Variants in TBL2 observed in about 807,000 individuals in gnomAD.
The protein encoded by TBL2 is transducin beta-like protein 2.
A neutral mutation model predicts 41.8 loss-of-function variants in TBL2; 33 were observed. That is an observed-to-expected ratio of 0.79 (90% confidence interval 0.60 to 1.06). The LOEUF (loss-of-function observed/expected upper bound fraction) is 1.06, where lower values mean the gene tolerates loss of function less well. TBL2 is among the 50% of genes least tolerant of loss of function. TBL2 has a pLI of 0.00. For synonymous variants in TBL2, 239 were observed against 241.7 expected, an observed-to-expected ratio of 0.99 and a Z score of 0.10; for missense variants, 522 against 603.8, an observed-to-expected ratio of 0.86 and a Z score of 1.42.
Position 73,576,942 on chromosome 7 carries a change from TAAC to T in TBL2, c.130+1475_130+1477del, listed in dbSNP as rs565215464. 2.0e-5 allele frequency among the ~76,000 whole-genome samples: 3 copies of T among 152,022 alleles called. 1 individual carries two copies. In the South Asian group the frequency reaches 6.2e-4, roughly 32 times the overall value. Reference sequence around the variant, plus strand: ...CCCCTATTCTCAGTAATGATTTCCCTAACAACCACCTCCCCCATAAAAGAACAG... The same window carrying T: ...CCCCTATTCTCAGTAATGATTTCCCTAACCACCTCCCCCATAAAAGAACAG... On this transcript the variant is annotated intron_variant, in intron 1 of 6. Coordinates refer to ENST00000305632, the MANE Select transcript of TBL2 (RefSeq NM_012453.4).
chr7:73,574,214 T>C, intron 2 of TBL2, 92 bp from the exon 3 acceptor site: 1 of 1,549,608 alleles, frequency 6.5e-7, no homozygotes, highest in Non-Finnish European at 8.7e-7. Flanking sequence ...CCCTGTGGCC[T>C]GGATTAACAG....
At chr7:73,573,543 G>A in intron 3 of TBL2, 72 bp from the exon 4 acceptor site, 1 of 1,582,874 alleles carries the variant, frequency 6.3e-7, no homozygotes, top group East Asian at 2.2e-5. Flanking sequence ...CCTGTGCTGG[G>A]TTCTCGGGGA....
intron 6 of TBL2, 67 bp from the exon 7 acceptor site, chr7:73,571,039 G>T: frequency 6.4e-7 from 1 of 1,565,306 alleles, no homozygotes; most frequent in South Asian, 1.2e-5. Context: ...GGCCCAACTT[G>T]AGCAGCTCCA....
chr7:73,573,000 G>A (rs782498103), intron 4 of TBL2, 30 bp from the exon 5 acceptor site: 18 of 1,613,484 alleles, frequency 1.1e-5, no homozygotes, highest in East Asian at 2.2e-5. Flanking sequence ...TGTGGGTCAC[G>A]GGCAGTGACC....
chr7:73,572,882 C>T lies in TBL2; in HGVS notation c.687G>A (p.Gln229=), dbSNP rs61736741. The part of the protein sequence containing the change: ...GQVLSTINTN[Q]MNNTHAAVSP... ...ATACAGCAGCGTGTGTGTTGTTCAT[C>T]TGGTTGGTGTTGATGGTAGACAGCA... is the stretch of plus-strand genomic sequence containing the variant. Residue 229 remains glutamine (Q), a synonymous_variant, in exon 5 of 7, where the codon CAG becomes CAA. Coordinates refer to ENST00000305632, the MANE Select transcript of TBL2 (RefSeq NM_012453.4). 1,032 of 1,614,174 alleles carry T rather than the reference C, an allele frequency of 6.4e-4. 4 individuals are homozygous for T. In the African/African-American group the frequency reaches 9.1e-3, roughly 14 times the overall value.
chr7:73,576,821 G>A, intron 1 of TBL2: 1 of 406,032 alleles, frequency 2.5e-6, no homozygotes. Context: ...TTGCCTTCTC[G>A]GGTATTGCCA....
At chr7:73,577,374 G>A (rs12540011) in intron 1 of TBL2, among the ~76,000 whole-genome samples, 39,123 of 151,224 alleles carry the variant, frequency 0.26, 5,289 homozygotes, top group African/African-American at 0.3. Context: ...TCAGGCGTTC[G>A]AGACCAGCCT....
In TBL2 at chr7:73,576,669, C is replaced by T. The variant is rs782002326; in HGVS notation, c.130+1751G>A. 74 of 456,584 alleles carry T rather than the reference C, an allele frequency of 1.6e-4. 2 individuals are homozygous for T. The Middle Eastern group carries it at 2.3e-3, about 14-fold the overall frequency. 28.3% of individuals were successfully genotyped at this position (456,584 alleles called of 1,614,324 possible). On this transcript the variant is annotated intron_variant, in intron 1 of 6. Transcript: ENST00000305632. ...CATGTGGTAAATGACTGCAGATGCT[C>T]CCCAATTCCAACAGGAAAAAAGCTC...
rs1043535304 is a variant in TBL2, at chr7:73,567,780, C to T, written c.*2727G>A. ...GAATGACTTTTTGGTAGTGTTTTCT[C>T]GTCTCACTGAAACACAACATGGCAA... On this transcript the variant is annotated 3_prime_UTR_variant, in exon 7 of 7. Coordinates refer to ENST00000305632, the MANE Select transcript of TBL2 (RefSeq NM_012453.4). Among the ~76,000 whole-genome samples the T allele has an allele frequency of 7.2e-5, 11 of 152,054 alleles. No homozygotes were observed. The South Asian group carries it at 1.2e-3, about 17-fold the overall frequency.
At chr7:73,576,643 G>T (rs1388378253) in intron 1 of TBL2, 2 of 456,442 alleles carry the variant, frequency 4.4e-6, no homozygotes, top group Non-Finnish European at 8.8e-6. Context: ...CACAAAGCTG[G>T]CATGTGGTAA....
intron 1 of TBL2, 157 bp downstream of exon 1, chr7:73,578,263 C>T (rs1554589392): frequency 6.5e-7 from 1 of 1,533,472 alleles, no homozygotes; most frequent in Non-Finnish European, 8.7e-7. Flanking sequence ...GGCGGGTCCC[C>T]GTCTCTGGAA....
At chr7:73,576,108 A>C (rs1793294655) in intron 1 of TBL2, among the ~76,000 whole-genome samples, 2 of 151,042 alleles carry the variant, frequency 1.3e-5, no homozygotes, top group South Asian at 4.2e-4. Flanking sequence ...GACAAGCAAA[A>C]GTACCGAACA....
In TBL2 at chr7:73,571,184, C is replaced by T. The variant is rs1554587451; in HGVS notation, c.878+5G>A. ...CTGGTCAGACATCAGAGCGGATTCA[C>T]TCACCTCCGTGAGTCGTTGGAGAAA... On this transcript the variant is annotated splice_donor_5th_base_variant and intron_variant, in intron 6 of 6. Transcript: ENST00000305632. 1 of 1,614,198 alleles carries T rather than the reference C, an allele frequency of 6.2e-7. No homozygotes were observed. The highest frequency in any genetic ancestry group is 8.5e-7 in the Non-Finnish European group (1 of 1,180,032).
chr7:73,571,086 G>A, intron 6 of TBL2, 103 bp downstream of exon 6: 1 of 1,581,166 alleles, frequency 6.3e-7, no homozygotes, highest in Non-Finnish European at 8.6e-7. Flanking sequence ...CGAGGGCCAG[G>A]CACCCCACCC....
chr7:73,578,265 T>C, intron 1 of TBL2, 155 bp downstream of exon 1: 2 of 1,533,288 alleles, frequency 1.3e-6, no homozygotes, highest in Non-Finnish European at 8.7e-7. Flanking sequence ...CGGGTCCCCG[T>C]CTCTGGAAGC....
At position 73,570,157 on chromosome 7, in the gene TBL2, C is replaced by T. The variant is rs1160434911; in HGVS notation, c.*350G>A. 2 of 212,224 alleles carry T rather than the reference C, an allele frequency of 9.4e-6. No individual in the cohort carries two copies. The highest frequency in any genetic ancestry group is 1.2e-4 in the South Asian group (1 of 8,560). 13.1% of individuals were successfully genotyped at this position (212,224 alleles called of 1,614,324 possible). On this transcript the variant is annotated 3_prime_UTR_variant, in exon 7 of 7. Coordinates refer to ENST00000305632, the MANE Select transcript of TBL2 (RefSeq NM_012453.4). ...TCTCTAGGTTGTTCTGGAACATTTA[C>T]AAACTTCTTTGGGTGTGAGGATGTG...
chr7:73,574,469 T>C lies in TBL2; in HGVS notation c.175A>G (p.Lys59Glu). Residue 59 changes from lysine to glutamate, a missense_variant, in exon 2 of 7, where the codon AAG becomes GAG. Coordinates refer to ENST00000305632, the MANE Select transcript of TBL2 (RefSeq NM_012453.4). ...ATCCGCTGATATTGTTTCTGCTTCT[T>C]GGATCCCGAAGATTTGTCAGGTGGA... Reference protein sequence around the residue: ...GFPPDKSSGSKKQKQYQRIRK... With the variant: ...GFPPDKSSGSEKQKQYQRIRK... The C allele has an allele frequency of 6.2e-7, 1 of 1,614,250 alleles. No individual in the cohort carries two copies. Among genetic ancestry groups the C allele is most frequent in the Non-Finnish European group, 8.5e-7 (1 of 1,180,052 alleles).
At chr7:73,574,598 A>T (rs1554588547) in intron 1 of TBL2, 85 bp from the exon 2 acceptor site, 1 of 1,585,506 alleles carries the variant, frequency 6.3e-7, no homozygotes, top group Non-Finnish European at 8.6e-7. Context: ...ATTGAGTGGA[A>T]CAGCAGGAGA....
rs1793138697 is a variant in TBL2 at position 73,574,044 on chromosome 7, T to C, written c.340A>G (p.Ile114Val). 2 of 1,614,088 alleles carry C rather than the reference T, an allele frequency of 1.2e-6. No homozygotes were observed. The highest frequency in any genetic ancestry group is 2.7e-5 in the African/African-American group (2 of 74,934). Residue 114 changes from isoleucine to valine, a missense_variant, in exon 3 of 7, where the codon ATC becomes GTC. Ile to Val is a conservative substitution (Grantham distance 29, BLOSUM62 3). Coordinates refer to ENST00000305632, the MANE Select transcript of TBL2 (RefSeq NM_012453.4). ...YLATCADDRTIRIWSTKDFLQ... is the reference protein window; with the variant it reads ...YLATCADDRTVRIWSTKDFLQ... ...AAGTCCTTGGTGCTCCAGATGCGGA[T>C]GGTGCGATCATCTGCACAGGTAGCC...
Sources: allele counts gnomAD v4.1 joint callset (sites outside exome capture counted in the v4.1 genomes callset), GRCh38; gene constraint gnomAD v4.1.1; transcripts MANE v1.5; gene names NCBI Gene and HGNC (gene_info 2026-07-23, HGNC 2026-07-21).